OPCML: variants seen among roughly 807,000 people sequenced by gnomAD.
The protein encoded by OPCML is opioid-binding protein/cell adhesion molecule.
In OPCML, 13 loss-of-function variants were observed where a neutral mutation model predicts 37.8. The observed-to-expected ratio is 0.34, with a 90% CI of 0.22 to 0.55. The LOEUF (loss-of-function observed/expected upper bound fraction) is 0.55, where lower values mean the gene tolerates loss of function less well. Among genes scored for constraint, OPCML ranks in the 20% least tolerant of loss-of-function variants. The pLI is 0.91. For missense variants in OPCML, 341 were observed against 435.6 expected (o/e 0.78, Z 1.93); for synonymous variants, 176 against 168.8 (o/e 1.04, Z -0.33).
intron 1 of OPCML, among the ~76,000 whole-genome samples, chr11:133,400,181 A>C (rs530749343): frequency 6.6e-6 from 1 of 152,344 alleles, no homozygotes; most frequent in East Asian, 1.9e-4. Context: ...ATGTCTTCTA[A>C]TTTAGCCTCA....
At position 132,673,309 on chromosome 11, in the gene OPCML, A is replaced by T. The variant is rs531617101; in HGVS notation, c.147-15990T>A. Among the ~76,000 whole-genome samples the T allele has an allele frequency of 5.3e-5, 8 of 152,242 alleles. No individual in the cohort carries two copies. In the South Asian group the frequency reaches 1.0e-3, roughly 20 times the overall value. ...AAAATGCATGATGATGATGATGATGATCGTGATGGTGGTGCAAACAGAGAA... is the reference window on the plus strand; with the variant it reads ...AAAATGCATGATGATGATGATGATGTTCGTGATGGTGGTGCAAACAGAGAA... On this transcript the variant is annotated intron_variant, in intron 2 of 7. Coordinates refer to ENST00000524381, the MANE Select transcript of OPCML (RefSeq NM_001012393.5).
At chr11:132,762,098 G>C (rs191401446) in intron 2 of OPCML, among the ~76,000 whole-genome samples, 4 of 152,286 alleles carry the variant, frequency 2.6e-5, no homozygotes, top group Admixed American at 1.3e-4. Flanking sequence ...GTTTGCTGGA[G>C]GTCCACTCCA....
chr11:133,391,237 T>G (rs986568835), intron 1 of OPCML, among the ~76,000 whole-genome samples: 1 of 152,200 alleles, frequency 6.6e-6, no homozygotes. Context: ...CCTAGTGAGA[T>G]GTGCCCTTGA....
intron 1 of OPCML, among the ~76,000 whole-genome samples, chr11:133,444,137 T>G (rs146364668): frequency 6.6e-6 from 1 of 152,146 alleles, no homozygotes; most frequent in East Asian, 1.9e-4. Context: ...ATGTCTCAAG[T>G]AGAAGCAGCA....
chr11:133,007,448 G>A, intron 1 of OPCML: 1 of 985,384 alleles, frequency 1.0e-6, no homozygotes, highest in Non-Finnish European at 1.2e-6. Context: ...TCTCCAAAAT[G>A]CACACAAAGC....
chr11:132,914,883 T>G (rs761279121), intron 2 of OPCML, among the ~76,000 whole-genome samples: 2 of 152,200 alleles, frequency 1.3e-5, no homozygotes, highest in Non-Finnish European at 2.9e-5. Context: ...GTGTGGTCTT[T>G]GTGTGAGAGC....
At chr11:133,410,257 T>G (rs59447197) in intron 1 of OPCML, among the ~76,000 whole-genome samples, 13,763 of 152,188 alleles carry the variant, frequency 0.09, 1,825 homozygotes, top group African/African-American at 0.29. Context: ...TAGGTGTTGG[T>G]TGGCATCAAG....
chr11:132,799,287 T>C (rs1314320158), intron 2 of OPCML, among the ~76,000 whole-genome samples: 2 of 152,308 alleles, frequency 1.3e-5, no homozygotes, highest in East Asian at 3.9e-4. Context: ...TGCTGCAGCT[T>C]CTATGTGAGC....
chr11:132,525,050 C>G (rs1414251269), intron 4 of OPCML, among the ~76,000 whole-genome samples: 1 of 152,176 alleles, frequency 6.6e-6, no homozygotes, highest in Non-Finnish European at 1.5e-5. Context: ...CAGTGCAGCA[C>G]TACCTGAAAC....
chr11:132,969,772 C>A (rs1215105304), intron 1 of OPCML, among the ~76,000 whole-genome samples: 1 of 152,116 alleles, frequency 6.6e-6, no homozygotes, highest in Non-Finnish European at 1.5e-5. Flanking sequence ...TTTTGGGGCT[C>A]AATTACGTCT....
intron 1 of OPCML, among the ~76,000 whole-genome samples, chr11:133,020,003 G>A (rs531610010): frequency 3.2e-4 from 48 of 152,308 alleles, no homozygotes; most frequent in South Asian, 2.3e-3. Flanking sequence ...GAAGCAGCAC[G>A]GCTGTGTTCT....
intron 1 of OPCML, among the ~76,000 whole-genome samples, chr11:133,186,760 C>G (rs1365667664): frequency 6.6e-6 from 1 of 152,192 alleles, no homozygotes; most frequent in Non-Finnish European, 1.5e-5. Flanking sequence ...AAGGTGCAGG[C>G]AAGCACTAAT....
At chr11:132,666,789 T>C (rs909045956) in intron 2 of OPCML, among the ~76,000 whole-genome samples, 5 of 152,142 alleles carry the variant, frequency 3.3e-5, no homozygotes, top group African/African-American at 1.2e-4. Flanking sequence ...CCAAGCGAGA[T>C]AGACAAGGAC....
At chr11:133,292,745 G>A (rs530391049) in intron 1 of OPCML, among the ~76,000 whole-genome samples, 40 of 152,258 alleles carry the variant, frequency 2.6e-4, no homozygotes, top group African/African-American at 9.4e-4. Flanking sequence ...ATAATATGTG[G>A]ACGCAAGGAA....
intron 1 of OPCML, among the ~76,000 whole-genome samples, chr11:133,266,778 C>T (rs549880091): frequency 1.3e-5 from 2 of 152,254 alleles, no homozygotes; most frequent in South Asian, 4.1e-4. Flanking sequence ...CTTTAACATT[C>T]CAAGCCAGAA....
chr11:132,637,459 G>A (rs1420939450), intron 3 of OPCML, among the ~76,000 whole-genome samples: 2 of 152,098 alleles, frequency 1.3e-5, no homozygotes, highest in Admixed American at 1.3e-4. Flanking sequence ...CTACTCTTGA[G>A]CCACAGCTTC....
At chr11:133,433,360 T>A (rs1294641290) in intron 1 of OPCML, among the ~76,000 whole-genome samples, 1 of 152,116 alleles carries the variant, frequency 6.6e-6, no homozygotes. Context: ...ACACATATAT[T>A]TTATATTCTG....
intron 1 of OPCML, chr11:133,004,481 G>A (rs1302166720): frequency 2.5e-5 from 25 of 985,328 alleles, no homozygotes; most frequent in Non-Finnish European, 2.9e-5. Flanking sequence ...AGGGGACACA[G>A]AGGCCAGTCT....
chr11:132,997,543 T>C (rs532809455), intron 1 of OPCML, among the ~76,000 whole-genome samples: 1 of 152,106 alleles, frequency 6.6e-6, no homozygotes, highest in Non-Finnish European at 1.5e-5. Context: ...GCTGTATGCA[T>C]GCACATGCCA....
Sources: gnomAD v4.1 joint callset for allele counts (sites outside exome capture counted in the v4.1 genomes callset) on GRCh38, gnomAD v4.1.1 for gene constraint, MANE v1.5 for transcripts, NCBI Gene and HGNC (gene_info 2026-07-23, HGNC 2026-07-21) for gene names.